The following TTC31 variants were observed in gnomAD, a reference collection of about 807,000 sequenced individuals.
The protein encoded by TTC31 is tetratricopeptide repeat domain 31.
Under a neutral mutation model 60.4 loss-of-function variants are expected in TTC31, and 59 were observed. That is an observed-to-expected ratio of 0.98 (90% CI 0.79 to 1.21). The LOEUF (loss-of-function observed/expected upper bound fraction) is 1.21. Ranked by LOEUF, TTC31 falls within the 50% of genes most tolerant of loss-of-function variation. The pLI is 0.00. For missense variants in TTC31, 672 were observed against 646.9 expected (o/e 1.04, Z -0.42); for synonymous variants, 225 against 249.6 (o/e 0.90, Z 0.93).
At chr2:74,489,962 C>A in intron 2 of TTC31, 63 bp from the exon 3 acceptor site, 2 of 1,196,560 alleles carry the variant, frequency 1.7e-6, no homozygotes, top group Admixed American at 2.0e-5. Flanking sequence ...GCCAGCGAAG[C>A]CCTTGCTCTC....
At chr2:74,492,833 G>A (rs1475286520) in intron 12 of TTC31, 86 bp downstream of exon 12, 1 of 1,588,710 alleles carries the variant, frequency 6.3e-7, no homozygotes, top group African/African-American at 1.3e-5. Flanking sequence ...AGGTGGCTAA[G>A]GAGGGGGCGG....
intron 2 of TTC31, among the ~76,000 whole-genome samples, chr2:74,484,168 C>T (rs559723877): frequency 4.7e-5 from 7 of 148,874 alleles, no homozygotes; most frequent in Admixed American, 2.7e-4. Context: ...ACCCGGGAGG[C>T]AGAGGTTGCA....
In TTC31 at chr2:74,490,746, A is replaced by G; in HGVS notation, c.546+7A>G. ...AAAGCGACTCAAGAAGAAGGTGGCT[A>G]GAGCATGGCTGGAGGGTGCAGGGGA... On this transcript the variant is annotated splice_region_variant and intron_variant, in intron 5 of 12. Transcript: ENST00000233623. The G allele has an allele frequency of 1.2e-6, 2 of 1,611,384 alleles. No homozygotes were observed. The highest frequency in any genetic ancestry group is 8.5e-7 in the Non-Finnish European group (1 of 1,178,736).
In TTC31 at chr2:74,493,748, T is replaced by C. The variant is rs942813519; in HGVS notation, c.*530T>C. The C allele has an allele frequency of 6.4e-6, 1 of 155,540 alleles. No individual in the cohort carries two copies. The highest frequency in any genetic ancestry group is 1.4e-5 in the Non-Finnish European group (1 of 70,214). 9.6% of individuals were successfully genotyped at this position (155,540 alleles called of 1,614,324 possible). ...CATTTCCTGTCCAGATTGCTATGTA[T>C]GACTCTGACCTCTCTTGTCCAGTGG... On this transcript the variant is annotated 3_prime_UTR_variant, in exon 13 of 13. Transcript: ENST00000233623.
At chr2:74,483,618 G>A in intron 2 of TTC31, 3 of 1,430,618 alleles carry the variant, frequency 2.1e-6, no homozygotes, top group Admixed American at 2.5e-5. Flanking sequence ...GATGCTCGAA[G>A]TGGGTAGAAT....
chr2:74,492,457 G>C lies in TTC31; in HGVS notation c.1161+12G>C. ...TGATGGGACTACAGGTAATAGGTCT[G>C]GGGCTGGAAACAGGAGAGATTTGAG... On this transcript the variant is annotated intron_variant, in intron 11 of 12. Transcript: ENST00000233623. 6.6e-7 allele frequency: 1 copy of C among 1,523,666 alleles called. No individual in the cohort carries two copies. The highest frequency in any genetic ancestry group is 8.8e-7 in the Non-Finnish European group (1 of 1,136,608). 94.4% of individuals were successfully genotyped at this position (1,523,666 alleles called of 1,614,324 possible).
intron 5 of TTC31, 123 bp from the exon 6 acceptor site, chr2:74,491,005 C>A (rs999946624): frequency 2.2e-6 from 3 of 1,368,652 alleles, no homozygotes; most frequent in African/African-American, 2.9e-5. Flanking sequence ...TTTTCACCTG[C>A]AAAATGAGGA....
chr2:74,491,690 C>A lies in TTC31; in HGVS notation c.876+18C>A. 1.2e-6 allele frequency: 2 copies of A among 1,612,454 alleles called. No homozygotes were observed. The highest frequency in any genetic ancestry group is 1.6e-4 in the Middle Eastern group (1 of 6,062). ...AGGTACAGGTGAGGTGGCTGAAGAA[C>A]CTTATTCAGCTGGAACCGTGGAAGG... On this transcript the variant is annotated intron_variant, in intron 8 of 12. Coordinates refer to ENST00000233623, the MANE Select transcript of TTC31 (RefSeq NM_022492.6).
intron 2 of TTC31, among the ~76,000 whole-genome samples, chr2:74,486,794 G>A (rs889802554): frequency 3.3e-5 from 5 of 152,052 alleles, no homozygotes; most frequent in Non-Finnish European, 7.3e-5. Flanking sequence ...TCTGGAGGCC[G>A]AGGCAGGAGA....
chr2:74,491,934 T>A (rs1413498400), intron 8 of TTC31, 70 bp from the exon 9 acceptor site: 2 of 1,611,238 alleles, frequency 1.2e-6, no homozygotes, highest in Non-Finnish European at 1.7e-6. Flanking sequence ...TGTTACCTGT[T>A]TAAACAAAGG....
chr2:74,485,087 CG>C (rs1672939210), intron 2 of TTC31, among the ~76,000 whole-genome samples: 1 of 141,834 alleles, frequency 7.1e-6, no homozygotes, highest in African/African-American at 2.7e-5. Flanking sequence ...AGTGCAGTGG[CG>C]CCATCTCTAC....
At chr2:74,483,453 T>C (rs779046721) in intron 2 of TTC31, 43 bp downstream of exon 2, 14 of 1,613,852 alleles carry the variant, frequency 8.7e-6, no homozygotes, top group Non-Finnish European at 1.2e-5. Flanking sequence ...CTCATTTTGG[T>C]CACGCCTCTT....
intron 5 of TTC31, 171 bp downstream of exon 5, chr2:74,490,910 A>G: frequency 2.3e-6 from 2 of 887,458 alleles, no homozygotes; most frequent in South Asian, 3.4e-5. Flanking sequence ...CATCTGGTGC[A>G]GTGGTTCTGG....
At chr2:74,491,710 G>C (rs776799397) in intron 8 of TTC31, 38 bp downstream of exon 8, 3 of 1,604,416 alleles carry the variant, frequency 1.9e-6, no homozygotes, top group Middle Eastern at 1.6e-4. Flanking sequence ...CTGGAACCGT[G>C]GAAGGGGCAC....
intron 6 of TTC31, 53 bp from the exon 7 acceptor site, chr2:74,491,242 A>C: frequency 6.2e-7 from 1 of 1,614,110 alleles, no homozygotes; most frequent in Non-Finnish European, 8.5e-7. Context: ...AGGGCCAAGA[A>C]AGCAGGCAGC....
intron 2 of TTC31, among the ~76,000 whole-genome samples, chr2:74,485,715 C>T (rs1364228914): frequency 6.6e-6 from 1 of 151,984 alleles, no homozygotes; most frequent in African/African-American, 2.4e-5. Context: ...TGTGATCCGC[C>T]CACCTCAGCC....
chr2:74,484,700 G>T (rs999086010), intron 2 of TTC31, among the ~76,000 whole-genome samples: 4 of 151,966 alleles, frequency 2.6e-5, no homozygotes, highest in Non-Finnish European at 5.9e-5. Context: ...CTCGTGATCC[G>T]CCCGCCTTGG....
rs772892796 is a variant in TTC31, at chr2:74,491,276, C to A, written c.604-19C>A. 1 of 1,614,148 alleles carries A rather than the reference C, an allele frequency of 6.2e-7. No individual in the cohort carries two copies. Among genetic ancestry groups the A allele is most frequent in the South Asian group, 1.1e-5 (1 of 91,080 alleles). On this transcript the variant is annotated intron_variant, in intron 6 of 12. Coordinates refer to ENST00000233623, the MANE Select transcript of TTC31 (RefSeq NM_022492.6). ...GCTCAAGGTGATCCCAACTCTGTAC[C>A]TGTCTATCTTTCTTCCAGGCCAGCA...
chr2:74,487,880 A>G (rs1028743627), intron 2 of TTC31, among the ~76,000 whole-genome samples: 2 of 151,988 alleles, frequency 1.3e-5, no homozygotes, highest in Admixed American at 6.6e-5. Flanking sequence ...GGGTTTCGCC[A>G]TGTTGGCCAG....
Sources: allele counts gnomAD v4.1 joint callset (sites outside exome capture counted in the v4.1 genomes callset), GRCh38; gene constraint gnomAD v4.1.1; transcripts MANE v1.5; gene names NCBI Gene and HGNC (gene_info 2026-07-23, HGNC 2026-07-21).